Variants in LRRC31 observed in about 807,000 individuals in gnomAD.
LRRC31 encodes the protein leucine rich repeat containing 31, also known as leucine-rich repeat-containing protein 31.
Under a neutral mutation model 46.7 loss-of-function variants are expected in LRRC31, and 35 were observed. That is an observed-to-expected ratio of 0.75 (90% CI 0.57 to 0.99). The LOEUF (loss-of-function observed/expected upper bound fraction) is 0.99, where lower values mean the gene tolerates loss of function less well. LRRC31 is among the 50% of genes least tolerant of loss of function. The probability of loss-of-function intolerance (pLI) is 0.00; values close to 1 mark genes in which losing one functional copy is unlikely to be tolerated. For synonymous variants in LRRC31, 236 were observed against 235.1 expected (o/e 1.00, Z -0.03); for missense variants, 613 against 626.1 (o/e 0.98, Z 0.22).
intron 1 of LRRC31, among the ~76,000 whole-genome samples, chr3:169,864,228 C>T (rs570917018): frequency 4.6e-5 from 7 of 152,228 alleles, no homozygotes; most frequent in African/African-American, 1.2e-4. Flanking sequence ...TTTCCACTTG[C>T]TGGCCCAACT....
Position 169,869,819 on chromosome 3 carries a change from T to TG in LRRC31, c.-13dup. On this transcript the variant is annotated 5_prime_UTR_variant, in exon 1 of 9. Transcript: ENST00000316428. ...CTTGTTTGACTCATGGTGAAGTTGA[T>TG]GGGGGTAGTTCCCAATAAGACATCT... 6.2e-7 allele frequency: 1 copy of TG among 1,607,630 alleles called. No homozygotes were observed. Among genetic ancestry groups the TG allele is most frequent in the Non-Finnish European group, 8.5e-7 (1 of 1,177,440 alleles).
chr3:169,859,836 A>G (rs1256116142), intron 3 of LRRC31, among the ~76,000 whole-genome samples: 1 of 152,204 alleles, frequency 6.6e-6, no homozygotes, highest in Non-Finnish European at 1.5e-5. Flanking sequence ...CATGTTTTAC[A>G]GTAACCTCCA....
rs1781179267 is a variant in LRRC31, at chr3:169,861,902, G to A, written c.176-89C>T. 7.5e-6 allele frequency: 10 copies of A among 1,335,984 alleles called. No individual in the cohort carries two copies. The South Asian group carries it at 1.2e-4, about 16-fold the overall frequency. The allele number at this position is 1,335,984 out of a possible 1,614,324, so 82.8% of individuals were successfully genotyped here. On this transcript the variant is annotated intron_variant, in intron 1 of 8. Transcript: ENST00000316428. ...CCACAATCAGACAAGTGAAAAGACT[G>A]CATAACTCTGAATTGCTCTTTTATA...
At chr3:169,845,057 C>A (rs1780564285) in intron 8 of LRRC31, among the ~76,000 whole-genome samples, 1 of 151,920 alleles carries the variant, frequency 6.6e-6, no homozygotes, top group Non-Finnish European at 1.5e-5. Context: ...AGCAAGTTTG[C>A]AGTAAAATGT....
At position 169,848,264 on chromosome 3, in the gene LRRC31, C is replaced by T. The variant is rs147316590; in HGVS notation, c.1183G>A (p.Ala395Thr). 5.6e-4 allele frequency: 911 copies of T among 1,614,152 alleles called. 4 individuals are homozygous for T. In the African/African-American group the frequency reaches 8.3e-3, roughly 15 times the overall value. ...ALAEASVHLS[A>T]LEVFNLSWNK... Reference sequence around the variant, plus strand: ...CAAGAAAGGTTGAATACTTCCAGAGCAGAGAGGTGAACAGAGGCTTCAGCT... The same window carrying T: ...CAAGAAAGGTTGAATACTTCCAGAGTAGAGAGGTGAACAGAGGCTTCAGCT... Residue 395 changes from alanine (A) to threonine (T), a missense_variant, in exon 8 of 9, where the codon GCT (alanine) becomes ACT (threonine). Coordinates refer to ENST00000316428, the MANE Select transcript of LRRC31 (RefSeq NM_024727.4).
rs928714727 is a variant in LRRC31, at chr3:169,840,292, T to G, written c.1349A>C (p.His450Pro). The change falls in exon 9 of 9, where the codon CAT becomes CCT. Residue 450 changes from histidine to proline, a missense_variant. His to Pro is a moderately conservative substitution (Grantham distance 77). Transcript: ENST00000316428. ...GTCCAGCTTTTGCAGTTTGGCCAGA[T>G]GACCCGTCTGTATGACCGATGCTGG... ...ALLASVIQTG[H>P]LAKLQKLDLS... is the part of the protein sequence containing the mutation. 1 of 1,614,054 alleles carries G rather than the reference T, an allele frequency of 6.2e-7. No homozygotes were observed. Among genetic ancestry groups the G allele is most frequent in the African/African-American group, 1.3e-5 (1 of 74,936 alleles).
chr3:169,859,904 A>C (rs1781093366), intron 3 of LRRC31, among the ~76,000 whole-genome samples: 1 of 152,108 alleles, frequency 6.6e-6, no homozygotes. Context: ...ACACTTTGGG[A>C]GGCCAAGGTG....
In LRRC31 at chr3:169,851,798, A is replaced by G. The variant is rs762864339; in HGVS notation, c.992-12T>C. The G allele has an allele frequency of 6.8e-6, 11 of 1,613,342 alleles. No homozygotes were observed. The highest frequency in any genetic ancestry group is 1.3e-5 in the African/African-American group (1 of 74,852). On this transcript the variant is annotated splice_polypyrimidine_tract_variant and intron_variant, in intron 6 of 8. Transcript: ENST00000316428. ...AGGAATGACCTGGGCTGTTAAAAAT[A>G]TCAACAGTGACATGTTTTAGGCACC...
chr3:169,858,678 A>G (rs938023913), intron 3 of LRRC31, among the ~76,000 whole-genome samples: 1 of 152,168 alleles, frequency 6.6e-6, no homozygotes, highest in Non-Finnish European at 1.5e-5. Context: ...AGAAATTTAA[A>G]TTATTTGTTC....
At chr3:169,853,469 A>G in intron 6 of LRRC31, 4 of 985,596 alleles carry the variant, frequency 4.1e-6, no homozygotes, top group Non-Finnish European at 4.8e-6. Flanking sequence ...CCTCCGTTAT[A>G]CTAGTGGGAA....
chr3:169,848,033 C>T, intron 8 of LRRC31, 87 bp downstream of exon 8: 3 of 1,359,112 alleles, frequency 2.2e-6, no homozygotes, highest in Admixed American at 2.0e-5. Context: ...GGTCTGGTAC[C>T]TCCCCCACCT....
rs1412463986 is a variant in LRRC31 at position 169,839,615 on chromosome 3, T to C, written c.*367A>G. 6.6e-6 allele frequency: 1 copy of C among 152,148 alleles called. No individual in the cohort carries two copies. Among genetic ancestry groups the C allele is most frequent in the East Asian group, 1.9e-4 (1 of 5,196 alleles). The allele number at this position is 152,148 out of a possible 1,614,324, so 9.4% of individuals were successfully genotyped here. On this transcript the variant is annotated 3_prime_UTR_variant, in exon 9 of 9. Transcript: ENST00000316428. ...ACATTTCTGGGCAAGAGGAAAGCAG[T>C]TGCAGTACCAAAATCTAAACACTTT...
chr3:169,862,934 G>A (rs1231269481), intron 1 of LRRC31, among the ~76,000 whole-genome samples: 1 of 149,482 alleles, frequency 6.7e-6, no homozygotes, highest in Non-Finnish European at 1.5e-5. Flanking sequence ...CCAGGTTAGA[G>A]TGCAGTGGCA....
intron 8 of LRRC31, among the ~76,000 whole-genome samples, chr3:169,841,938 G>A (rs1019404610): frequency 2.6e-5 from 4 of 152,208 alleles, no homozygotes; most frequent in East Asian, 3.9e-4. Context: ...CCAGCTACTC[G>A]GGAGGCTGAG....
At chr3:169,857,394 A>G (rs1437690521) in intron 3 of LRRC31, among the ~76,000 whole-genome samples, 1 of 136,500 alleles carries the variant, frequency 7.3e-6, no homozygotes, top group African/African-American at 2.7e-5. Context: ...ACATATATAC[A>G]TACACACACA....
intron 1 of LRRC31, among the ~76,000 whole-genome samples, chr3:169,867,458 C>T (rs769698167): frequency 6.6e-6 from 1 of 151,804 alleles, no homozygotes; most frequent in East Asian, 1.9e-4. Context: ...TGGGTTTTAC[C>T]GTATTAGCCA....
rs1178632705 is a variant in LRRC31 at position 169,856,363 on chromosome 3, A to C, written c.796T>G (p.Leu266Val). 1 of 1,594,332 alleles carries C rather than the reference A, an allele frequency of 6.3e-7. No individual in the cohort carries two copies. The highest frequency in any genetic ancestry group is 8.5e-7 in the Non-Finnish European group (1 of 1,170,490). ...AATATTTTGACACTCTTTTGTGATA[A>C]TCCACATGAATGTAACTTCAGTACT... ...LKVLKLHSCG[L>V]SQKSVKILDA... The change falls in exon 5 of 9, where the codon TTA (leucine) becomes GTA (valine). Residue 266 changes from leucine (L) to valine (V), a missense_variant. Leu to Val is a conservative substitution (Grantham distance 32, BLOSUM62 1). Coordinates refer to ENST00000316428, the MANE Select transcript of LRRC31 (RefSeq NM_024727.4).
chr3:169,839,797 T>C lies in LRRC31; in HGVS notation c.*185A>G. On this transcript the variant is annotated 3_prime_UTR_variant, in exon 9 of 9. Coordinates refer to ENST00000316428, the MANE Select transcript of LRRC31 (RefSeq NM_024727.4). ...ATATGTGTATTATATATGTATATTA[T>C]ATATATGTGTATATATGTATATTAC... 5.1e-6 allele frequency: 1 copy of C among 196,778 alleles called. No individual in the cohort carries two copies. Among genetic ancestry groups the C allele is most frequent in the Non-Finnish European group, 9.8e-6 (1 of 101,898 alleles). 12.2% of individuals were successfully genotyped at this position (196,778 alleles called of 1,614,324 possible). A position where few individuals can be genotyped will look rare whatever the true frequency, so the allele number is the denominator to read the frequency against.
chr3:169,839,466 T>C lies in LRRC31; in HGVS notation c.*516A>G, dbSNP rs1003205603. The C allele has an allele frequency of 2.0e-5, 3 of 152,076 alleles. No homozygotes were observed. Among genetic ancestry groups the C allele is most frequent in the Admixed American group, 6.6e-5 (1 of 15,260 alleles). The allele number at this position is 152,076 out of a possible 1,614,324, so 9.4% of individuals were successfully genotyped here. On this transcript the variant is annotated 3_prime_UTR_variant, in exon 9 of 9. Transcript: ENST00000316428. Reference sequence around the variant, plus strand: ...CCTACATAGACTACATTAAGATACATATAGTAATAGTAATGATACATGAAA... The same window carrying C: ...CCTACATAGACTACATTAAGATACACATAGTAATAGTAATGATACATGAAA...
Sources: gnomAD v4.1 joint callset for allele counts (sites outside exome capture counted in the v4.1 genomes callset) on GRCh38, gnomAD v4.1.1 for gene constraint, MANE v1.5 for transcripts, NCBI Gene and HGNC (gene_info 2026-07-23, HGNC 2026-07-21) for gene names.